Variants in DDX10 observed in about 807,000 individuals in gnomAD.
DDX10 encodes the protein DEAD-box helicase 10.
In DDX10, 74 loss-of-function variants were observed where a neutral mutation model predicts 104.3. The ratio of observed to expected loss-of-function variants is 0.71; its 90% confidence interval spans 0.59 to 0.86. The LOEUF is 0.86. Ranked by LOEUF, DDX10 falls within the 40% of genes least tolerant of loss-of-function variation. DDX10 has a pLI of 0.00. For synonymous variants in DDX10, 351 were observed against 353.4 expected, an observed-to-expected ratio of 0.99 and a Z score of 0.08; for missense variants, 952 against 1,040.0, an observed-to-expected ratio of 0.92 and a Z score of 1.16.
chr11:108,934,939 G>A (rs1174467875), intron 17 of DDX10, among the ~76,000 whole-genome samples: 3 of 152,162 alleles, frequency 2.0e-5, no homozygotes, highest in Non-Finnish European at 2.9e-5. Context: ...TGTTAACTCC[G>A]CTGGAAGTCG....
chr11:108,840,163 G>A (rs986658194), intron 14 of DDX10, among the ~76,000 whole-genome samples: 3 of 152,088 alleles, frequency 2.0e-5, no homozygotes, highest in Non-Finnish European at 1.5e-5. Context: ...CTGATCCCTC[G>A]CATTGCCTCT....
At position 108,673,520 on chromosome 11, in the gene DDX10, A is replaced by G. The variant is rs139924239; in HGVS notation, c.240A>G (p.Thr80=). ...CAGATTTTCCCTTGTCCAAAAAAAC[A>G]TTGAAAGGTAAGTATATGGTGATCT... is the stretch of plus-strand genomic sequence containing the variant. ...RFSDFPLSKK[T]LKGLQEAQYR... The change falls in exon 2 of 18, where the codon ACA becomes ACG. Residue 80 remains threonine (T), a synonymous_variant. Coordinates refer to ENST00000322536, the MANE Select transcript of DDX10 (RefSeq NM_004398.4). The G allele has an allele frequency of 7.2e-5, 115 of 1,591,902 alleles. No homozygotes were observed. The African/African-American group carries it at 1.5e-3, about 21-fold the overall frequency.
intron 1 of DDX10, among the ~76,000 whole-genome samples, chr11:108,670,161 G>A (rs1217163204): frequency 6.6e-6 from 1 of 152,204 alleles, no homozygotes; most frequent in Admixed American, 6.5e-5. Context: ...TATCTGAGCT[G>A]TAAAGGTTGG....
At chr11:108,774,260 C>G (rs1483786921) in intron 13 of DDX10, among the ~76,000 whole-genome samples, 1 of 152,220 alleles carries the variant, frequency 6.6e-6, no homozygotes, top group Admixed American at 6.5e-5. Context: ...GGCCGTGTGA[C>G]TAGGCTGGCA....
At chr11:108,865,392 T>G (rs1862996346) in intron 16 of DDX10, among the ~76,000 whole-genome samples, 1 of 152,200 alleles carries the variant, frequency 6.6e-6, no homozygotes, top group African/African-American at 2.4e-5. Context: ...TTATCTGTCA[T>G]TTTTATATGC....
chr11:108,837,261 C>T (rs1270721591), intron 13 of DDX10, among the ~76,000 whole-genome samples: 1 of 152,164 alleles, frequency 6.6e-6, no homozygotes, highest in Admixed American at 6.5e-5. Context: ...AGTGATAGAG[C>T]TTGTGCTCAA....
intron 15 of DDX10, among the ~76,000 whole-genome samples, chr11:108,844,919 G>A (rs113615519): frequency 6.6e-6 from 1 of 152,050 alleles, no homozygotes; most frequent in Admixed American, 6.6e-5. Context: ...TCTTCCTGCC[G>A]GGCACGGTGG....
chr11:108,850,276 T>G (rs1862772952), intron 15 of DDX10, among the ~76,000 whole-genome samples: 1 of 152,258 alleles, frequency 6.6e-6, no homozygotes, highest in South Asian at 2.1e-4. Flanking sequence ...AAAGCTGAAA[T>G]TTAAAATATC....
At chr11:108,869,525 A>G (rs1445527857) in intron 16 of DDX10, among the ~76,000 whole-genome samples, 1 of 152,114 alleles carries the variant, frequency 6.6e-6, no homozygotes, top group Non-Finnish European at 1.5e-5. Context: ...ATAAGCTTTC[A>G]TTAACATTTT....
At chr11:108,669,463 A>G (rs2094214235) in intron 1 of DDX10, among the ~76,000 whole-genome samples, 1 of 152,146 alleles carries the variant, frequency 6.6e-6, no homozygotes, top group Non-Finnish European at 1.5e-5. Flanking sequence ...GGTGGAGGGA[A>G]CATGGGGAAA....
chr11:108,926,270 T>TG (rs1211110265), intron 17 of DDX10, among the ~76,000 whole-genome samples: 1 of 152,158 alleles, frequency 6.6e-6, no homozygotes, highest in Non-Finnish European at 1.5e-5. Context: ...AATGATGGCA[T>TG]GGGTGTGCAT....
At chr11:108,752,421 GC>G (rs1241143444) in intron 13 of DDX10, among the ~76,000 whole-genome samples, 1 of 152,046 alleles carries the variant, frequency 6.6e-6, no homozygotes, top group Non-Finnish European at 1.5e-5. Context: ...GGTGGAGGTG[GC>G]TCACTGAGTA....
intron 13 of DDX10, among the ~76,000 whole-genome samples, chr11:108,793,388 A>G (rs1861897162): frequency 6.6e-6 from 1 of 152,226 alleles, no homozygotes; most frequent in Non-Finnish European, 1.5e-5. Context: ...ACAAGCTGGT[A>G]CAAACTGCCC....
At chr11:108,753,245 T>A (rs1279612764) in intron 13 of DDX10, among the ~76,000 whole-genome samples, 2 of 152,140 alleles carry the variant, frequency 1.3e-5, no homozygotes, top group Non-Finnish European at 2.9e-5. Context: ...ATTACTTGAA[T>A]GCTTATCCTT....
intron 13 of DDX10, among the ~76,000 whole-genome samples, chr11:108,820,855 A>G (rs1565288952): frequency 6.6e-6 from 1 of 152,212 alleles, no homozygotes. Context: ...TTCCCAACAA[A>G]TAAGTGTCAA....
At chr11:108,665,399 C>G (rs1049659909) in intron 1 of DDX10, 60 bp downstream of exon 1, 2 of 1,489,480 alleles carry the variant, frequency 1.3e-6, no homozygotes, top group Non-Finnish European at 1.8e-6. Flanking sequence ...CGTCTCACTG[C>G]GGCGAGGAGT....
At position 108,775,247 on chromosome 11, in the gene DDX10, G is replaced by C. The variant is rs1471405972; in HGVS notation, c.1965+51785G>C. 2.0e-5 allele frequency among the ~76,000 whole-genome samples: 3 copies of C among 152,172 alleles called. No homozygotes were observed. In the East Asian group the frequency reaches 5.8e-4, roughly 29 times the overall value. ...GGAAATTAAATTGAATTGAAAAAATGTTAATCTCAAATAGATTTTGCTCTG... is the reference window on the plus strand; with the variant it reads ...GGAAATTAAATTGAATTGAAAAAATCTTAATCTCAAATAGATTTTGCTCTG... On this transcript the variant is annotated intron_variant, in intron 13 of 17. Coordinates refer to ENST00000322536, the MANE Select transcript of DDX10 (RefSeq NM_004398.4).
chr11:108,930,420 A>G (rs1455024086), intron 17 of DDX10, among the ~76,000 whole-genome samples: 1 of 152,160 alleles, frequency 6.6e-6, no homozygotes, highest in Non-Finnish European at 1.5e-5. Flanking sequence ...GCTGCTTCCA[A>G]GTTTTGGCAA....
At chr11:108,673,611 G>GA (rs1166040830) in intron 2 of DDX10, 84 bp downstream of exon 2, 2 of 1,055,992 alleles carry the variant, frequency 1.9e-6, no homozygotes, top group Non-Finnish European at 2.8e-6. Context: ...GGTTTAGCCT[G>GA]AAAAATCTTA....
Sources: allele counts gnomAD v4.1 joint callset (sites outside exome capture counted in the v4.1 genomes callset), GRCh38; gene constraint gnomAD v4.1.1; transcripts MANE v1.5; gene names NCBI Gene and HGNC (gene_info 2026-07-23, HGNC 2026-07-21).